FAM13A: variants seen among roughly 807,000 people sequenced by gnomAD.
FAM13A encodes the protein protein FAM13A.
In FAM13A, 76 loss-of-function variants were observed where a neutral mutation model predicts 129.6. That is an observed-to-expected ratio of 0.59 (90% CI 0.49 to 0.71). The LOEUF is 0.71. Among genes scored for constraint, FAM13A ranks in the 30% least tolerant of loss-of-function variants. The pLI, the probability that FAM13A is intolerant of heterozygous loss-of-function variation, is 0.00. For synonymous variants in FAM13A, 443 were observed against 449.9 expected (o/e 0.98, Z 0.20); for missense variants, 1,108 against 1,249.3 (o/e 0.89, Z 1.70).
chr4:88,944,550 C>A (rs1051152935), intron 4 of FAM13A, among the ~76,000 whole-genome samples: 21 of 152,168 alleles, frequency 1.4e-4, no homozygotes, highest in African/African-American at 4.6e-4. Flanking sequence ...ATATTAGATG[C>A]CGCAGGCAAA....
chr4:88,852,539 C>T (rs1021165746), intron 6 of FAM13A, among the ~76,000 whole-genome samples: 1 of 152,268 alleles, frequency 6.6e-6, no homozygotes, highest in South Asian at 2.1e-4. Flanking sequence ...CTTGATTACA[C>T]ATTGCCTGAT....
intron 6 of FAM13A, among the ~76,000 whole-genome samples, chr4:88,866,520 G>A (rs1740485301): frequency 6.6e-6 from 1 of 152,026 alleles, no homozygotes; most frequent in Admixed American, 6.6e-5. Flanking sequence ...GGCCAACCTT[G>A]CACATAAAAT....
intron 10 of FAM13A, among the ~76,000 whole-genome samples, chr4:88,782,964 CTGTT>C (rs1037876597): frequency 4.6e-5 from 7 of 151,744 alleles, no homozygotes; most frequent in East Asian, 1.9e-4. Context: ...GCCTTTTTTT[CTGTT>C]TGTTTTTTAT....
chr4:88,955,441 T>C (rs1022697248), intron 4 of FAM13A, among the ~76,000 whole-genome samples: 6 of 152,322 alleles, frequency 3.9e-5, no homozygotes, highest in South Asian at 4.1e-4. Flanking sequence ...GTCTCGGGTA[T>C]GTCTTTATTA....
At chr4:88,744,869 A>G (rs1336060759) in intron 19 of FAM13A, among the ~76,000 whole-genome samples, 1 of 152,186 alleles carries the variant, frequency 6.6e-6, no homozygotes, top group Non-Finnish European at 1.5e-5. Flanking sequence ...AATTTCCTAG[A>G]GCATTTGTTC....
At position 88,728,260 on chromosome 4, in the gene FAM13A, T is replaced by C. The variant is rs1736791386; in HGVS notation, c.*273A>G. The C allele has an allele frequency of 2.9e-6, 1 of 347,198 alleles. No individual in the cohort carries two copies. The allele number at this position is 347,198 out of a possible 1,614,324, so 21.5% of individuals were successfully genotyped here. A position where few individuals can be genotyped will look rare whatever the true frequency, so the allele number is the denominator to read the frequency against. ...GCTAGTGTTAGGAAAGCTCCACTAC[T>C]GTGTGTGTGTGTGCGTGCATGCGCG... On this transcript the variant is annotated 3_prime_UTR_variant, in exon 24 of 24. Coordinates refer to ENST00000264344, the MANE Select transcript of FAM13A (RefSeq NM_014883.4).
intron 4 of FAM13A, among the ~76,000 whole-genome samples, chr4:88,950,188 T>C (rs1756704086): frequency 6.7e-6 from 1 of 148,976 alleles, no homozygotes; most frequent in African/African-American, 2.5e-5. Flanking sequence ...ACTGTTAAAT[T>C]TGCAATGATA....
chr4:88,809,469 G>A (rs951418340), intron 7 of FAM13A, among the ~76,000 whole-genome samples: 1 of 151,962 alleles, frequency 6.6e-6, no homozygotes, highest in African/African-American at 2.4e-5. Flanking sequence ...CTAAGAATTC[G>A]GTCCCATTCA....
intron 13 of FAM13A, among the ~76,000 whole-genome samples, chr4:88,760,517 T>C (rs1486885395): frequency 2.1e-5 from 1 of 48,354 alleles, no homozygotes; most frequent in African/African-American, 5.1e-5. Context: ...GGCAGGAGAA[T>C]GGCGTGAACC....
At chr4:89,053,282 T>G (rs949967513) in intron 1 of FAM13A, among the ~76,000 whole-genome samples, 3 of 152,138 alleles carry the variant, frequency 2.0e-5, no homozygotes, top group Non-Finnish European at 4.4e-5. Context: ...GAACTGATAA[T>G]TACCATGATC....
chr4:88,740,066 C>T (rs542075313), intron 19 of FAM13A, among the ~76,000 whole-genome samples: 43 of 152,254 alleles, frequency 2.8e-4, no homozygotes, highest in Admixed American at 6.5e-4. Flanking sequence ...GCTTCTCCTC[C>T]CCATCATACT....
rs144516136 is a variant in FAM13A at position 88,750,793 on chromosome 4, C to T, written c.1727-156G>A. 1.4e-3 allele frequency among the ~76,000 whole-genome samples: 214 copies of T among 152,322 alleles called. 1 individual carries two copies. Among genetic ancestry groups the T allele is most frequent in the Non-Finnish European group, 2.5e-3 (171 of 68,028 alleles). ...GCTAAGGTCCAGGCTAAGGACACCG[C>T]GCCCCAACTGAAATCACCAATATGT... On this transcript the variant is annotated intron_variant, in intron 14 of 23. Transcript: ENST00000264344.
intron 4 of FAM13A, among the ~76,000 whole-genome samples, chr4:88,942,719 C>T (rs1004776995): frequency 2.0e-5 from 3 of 152,152 alleles, no homozygotes; most frequent in Non-Finnish European, 4.4e-5. Flanking sequence ...TCCTACTGCT[C>T]CCTTCTTTCC....
At chr4:88,932,673 G>GA (rs1451105431) in intron 5 of FAM13A, among the ~76,000 whole-genome samples, 1 of 152,216 alleles carries the variant, frequency 6.6e-6, no homozygotes, top group Non-Finnish European at 1.5e-5. Context: ...TGATATATCA[G>GA]TTTATATGGT....
rs1427353930 is a variant in FAM13A, at chr4:88,728,044, A to G, written c.*489T>C. 1.3e-5 allele frequency: 2 copies of G among 154,876 alleles called. No homozygotes were observed. The highest frequency in any genetic ancestry group is 2.4e-5 in the African/African-American group (1 of 41,504). The allele number at this position is 154,876 out of a possible 1,614,324, so 9.6% of individuals were successfully genotyped here. A position where few individuals can be genotyped will look rare whatever the true frequency, so the allele number is the denominator to read the frequency against. ...GGCAGCGGCAGCAAATAGGGCTCCA[A>G]TGCACGTTTGCAGTTAACTGGGTCC... is the stretch of plus-strand genomic sequence containing the variant. On this transcript the variant is annotated 3_prime_UTR_variant, in exon 24 of 24. Coordinates refer to ENST00000264344, the MANE Select transcript of FAM13A (RefSeq NM_014883.4).
chr4:88,747,597 G>T, intron 18 of FAM13A, 34 bp downstream of exon 18: 1 of 1,558,440 alleles, frequency 6.4e-7, no homozygotes, highest in Non-Finnish European at 8.9e-7. Context: ...GACTGCAATG[G>T]CTTAGGGCTT....
intron 1 of FAM13A, among the ~76,000 whole-genome samples, chr4:89,045,749 C>T (rs904123200): frequency 3.9e-5 from 6 of 152,100 alleles, no homozygotes; most frequent in Non-Finnish European, 5.9e-5. Context: ...CAAGGCAGGG[C>T]GTGGTGGCTC....
At chr4:88,903,577 A>C (rs1300968144) in intron 6 of FAM13A, among the ~76,000 whole-genome samples, 1 of 152,154 alleles carries the variant, frequency 6.6e-6, no homozygotes, top group Non-Finnish European at 1.5e-5. Flanking sequence ...TTGAAACTGG[A>C]CCCCTTCCTT....
intron 1 of FAM13A, among the ~76,000 whole-genome samples, chr4:89,041,102 G>T (rs561140622): frequency 6.6e-6 from 1 of 152,274 alleles, no homozygotes; most frequent in Admixed American, 6.5e-5. Context: ...TGAGTATAAG[G>T]GAGATAAAGA....
Sources: gnomAD v4.1 joint callset for allele counts (sites outside exome capture counted in the v4.1 genomes callset) on GRCh38, gnomAD v4.1.1 for gene constraint, MANE v1.5 for transcripts, NCBI Gene and HGNC (gene_info 2026-07-23, HGNC 2026-07-21) for gene names.